The following MLLT3 variants were observed in gnomAD, a reference collection of about 807,000 sequenced individuals.
MLLT3 encodes the protein protein AF-9.
In MLLT3, 4 loss-of-function variants were observed where a neutral mutation model predicts 53.2. The observed-to-expected ratio is 0.08, with a 90% CI of 0.04 to 0.17. The LOEUF is 0.17. Among genes scored for constraint, MLLT3 ranks in the 10% least tolerant of loss-of-function variants. The pLI is 1.00. For missense variants in MLLT3, 569 were observed against 684.0 expected (o/e 0.83, Z 1.87); for synonymous variants, 283 against 230.6 (o/e 1.23, Z -2.06).
chr9:20,474,528 C>T (rs886619789), intron 2 of MLLT3, among the ~76,000 whole-genome samples: 15 of 152,182 alleles, frequency 9.9e-5, no homozygotes, highest in Admixed American at 8.5e-4. Flanking sequence ...CTACAAGGCT[C>T]GGTCTACCAC....
intron 2 of MLLT3, among the ~76,000 whole-genome samples, chr9:20,599,066 G>C (rs1030356663): frequency 1.3e-5 from 2 of 152,166 alleles, no homozygotes; most frequent in African/African-American, 4.8e-5. Context: ...AGTACTTTGG[G>C]AGGCCAAGGC....
intron 2 of MLLT3, among the ~76,000 whole-genome samples, chr9:20,481,988 A>T (rs1223650165): frequency 6.6e-6 from 1 of 152,220 alleles, no homozygotes; most frequent in Non-Finnish European, 1.5e-5. Flanking sequence ...AAAATTAAGG[A>T]AATGTACTTC....
chr9:20,430,587 C>T (rs1198410626), intron 4 of MLLT3, among the ~76,000 whole-genome samples: 1 of 152,066 alleles, frequency 6.6e-6, no homozygotes, highest in Non-Finnish European at 1.5e-5. Context: ...TAGACTCTTA[C>T]CTCATACATA....
At position 20,491,942 on chromosome 9, in the gene MLLT3, T is replaced by C. The variant is rs188237217; in HGVS notation, c.194-35156A>G. Reference sequence around the variant, plus strand: ...CTTCTCAAATAAACCAACCCTGGAATTCCAACCAGTAATGTGAATGTATGT... The same window carrying C: ...CTTCTCAAATAAACCAACCCTGGAACTCCAACCAGTAATGTGAATGTATGT... On this transcript the variant is annotated intron_variant, in intron 2 of 10. Transcript: ENST00000380338. 1.3e-3 allele frequency among the ~76,000 whole-genome samples: 199 copies of C among 152,176 alleles called. 1 individual carries two copies. The highest frequency in any genetic ancestry group is 4.2e-3 in the African/African-American group (174 of 41,562).
rs577911415 is a variant in MLLT3, at chr9:20,465,767, A to T, written c.194-8981T>A. On this transcript the variant is annotated intron_variant, in intron 2 of 10. Coordinates refer to ENST00000380338, the MANE Select transcript of MLLT3 (RefSeq NM_004529.4). ...AGCTCTACTTCTTTTTCCCCCCTGC[A>T]TGGCATTTGGCATAGTGGTAGCCTA... is the stretch of plus-strand genomic sequence containing the variant. 2.0e-5 allele frequency among the ~76,000 whole-genome samples: 3 copies of T among 152,210 alleles called. No individual in the cohort carries two copies. In the South Asian group the frequency reaches 6.2e-4, roughly 32 times the overall value.
chr9:20,394,462 C>T (rs1475334041), intron 5 of MLLT3, among the ~76,000 whole-genome samples: 1 of 152,118 alleles, frequency 6.6e-6, no homozygotes, highest in Non-Finnish European at 1.5e-5. Flanking sequence ...ACTACAGTGT[C>T]TTAGTTCTGA....
intron 2 of MLLT3, among the ~76,000 whole-genome samples, chr9:20,502,535 T>A (rs1311255671): frequency 6.6e-6 from 1 of 152,112 alleles, no homozygotes; most frequent in Non-Finnish European, 1.5e-5. Context: ...GGAGAAAAAA[T>A]TACATCTGTA....
At chr9:20,560,531 G>C (rs753035923) in intron 2 of MLLT3, among the ~76,000 whole-genome samples, 19 of 152,082 alleles carry the variant, frequency 1.2e-4, no homozygotes, top group Non-Finnish European at 2.2e-4. Flanking sequence ...AACAGCAAGG[G>C]AGTAAGCCAA....
At chr9:20,481,851 A>T (rs923905400) in intron 2 of MLLT3, among the ~76,000 whole-genome samples, 1 of 152,216 alleles carries the variant, frequency 6.6e-6, no homozygotes, top group African/African-American at 2.4e-5. Context: ...AAAAAAGTCA[A>T]CTAGAAGAGG....
intron 2 of MLLT3, among the ~76,000 whole-genome samples, chr9:20,530,255 G>C (rs956814764): frequency 6.6e-6 from 1 of 152,254 alleles, no homozygotes; most frequent in African/African-American, 2.4e-5. Context: ...ACAACGGTTG[G>C]ATTTTCATTG....
Position 20,343,501 on chromosome 9 carries a change from G to A in MLLT3, c.*2942C>T. The A allele has an allele frequency of 4.4e-6, 1 of 227,562 alleles. No individual in the cohort carries two copies. The highest frequency in any genetic ancestry group is 2.2e-5 in the African/African-American group (1 of 45,042). The allele number at this position is 227,562 out of a possible 1,614,324, so 14.1% of individuals were successfully genotyped here. ...GCAAAATATTGTTGCTAACATGACT[G>A]TTACATCCGAAGACAGAAGGAACCC... On this transcript the variant is annotated 3_prime_UTR_variant, in exon 11 of 11. Transcript: ENST00000380338.
Position 20,391,949 on chromosome 9 carries a change from A to G in MLLT3, c.1125+21772T>C, listed in dbSNP as rs541387811. ...GCCCAGGTGCTACATAAGGTTAAAG[A>G]CAGAAAACAACTAAAGAAAAAGACA... On this transcript the variant is annotated intron_variant, in intron 5 of 10. Transcript: ENST00000380338. Among the ~76,000 whole-genome samples the G allele has an allele frequency of 6.6e-5, 10 of 152,334 alleles. No individual in the cohort carries two copies. The South Asian group carries it at 2.1e-3, about 32-fold the overall frequency.
chr9:20,373,102 G>C (rs1041539262), intron 5 of MLLT3, among the ~76,000 whole-genome samples: 1 of 152,002 alleles, frequency 6.6e-6, no homozygotes, highest in Non-Finnish European at 1.5e-5. Context: ...TTAAACATTA[G>C]TTTGCTCATA....
At chr9:20,622,151 A>C in intron 1 of MLLT3, 94 bp downstream of exon 1, 1 of 1,378,090 alleles carries the variant, frequency 7.3e-7, no homozygotes, top group Non-Finnish European at 1.0e-6. Context: ...TCTAATTGGA[A>C]CCGCGGAGCG....
chr9:20,408,640 C>A (rs183582766), intron 5 of MLLT3, among the ~76,000 whole-genome samples: 2 of 152,272 alleles, frequency 1.3e-5, no homozygotes, highest in East Asian at 3.9e-4. Context: ...GCTCCCTCAC[C>A]ATACTTACAG....
intron 9 of MLLT3, among the ~76,000 whole-genome samples, chr9:20,354,083 G>C (rs1194043982): frequency 6.6e-6 from 1 of 151,988 alleles, no homozygotes; most frequent in Non-Finnish European, 1.5e-5. Flanking sequence ...TGTTTGTTTT[G>C]TTTTTGTTTT....
intron 5 of MLLT3, among the ~76,000 whole-genome samples, chr9:20,397,848 C>T (rs765106936): frequency 8.6e-5 from 13 of 151,920 alleles, no homozygotes; most frequent in Middle Eastern, 3.4e-3. Context: ...CTTTTAAAAC[C>T]ACTCTTAGAA....
At chr9:20,563,793 C>T (rs1339611896) in intron 2 of MLLT3, among the ~76,000 whole-genome samples, 3 of 151,980 alleles carry the variant, frequency 2.0e-5, no homozygotes, top group Non-Finnish European at 2.9e-5. Flanking sequence ...AAGACGTTGG[C>T]GTCCAACACT....
intron 2 of MLLT3, among the ~76,000 whole-genome samples, chr9:20,522,448 C>G (rs1299232124): frequency 3.3e-5 from 5 of 152,086 alleles, no homozygotes; most frequent in Admixed American, 2.6e-4. Context: ...TGGACCAAAA[C>G]AGTAATTATA....
Sources: gnomAD v4.1 joint callset for allele counts (sites outside exome capture counted in the v4.1 genomes callset) on GRCh38, gnomAD v4.1.1 for gene constraint, MANE v1.5 for transcripts, NCBI Gene and HGNC (gene_info 2026-07-23, HGNC 2026-07-21) for gene names.